The following DIAPH2 variants were observed in gnomAD, a reference collection of about 807,000 sequenced individuals.
DIAPH2 encodes diaphanous related formin 2.
In DIAPH2, 35 loss-of-function variants were observed where a neutral mutation model predicts 92.7. That is an observed-to-expected ratio of 0.38 (90% CI 0.29 to 0.50). DIAPH2 has a LOEUF of 0.50. Among genes scored for constraint, DIAPH2 ranks in the 20% least tolerant of loss-of-function variants. The probability of loss-of-function intolerance (pLI) is 0.94; values close to 1 mark genes in which losing one functional copy is unlikely to be tolerated. For synonymous variants in DIAPH2, 301 were observed against 280.4 expected, an observed-to-expected ratio of 1.07 and a Z score of -0.73; for missense variants, 701 against 819.5, an observed-to-expected ratio of 0.86 and a Z score of 1.77.
At chrX:97,180,815 A>C (rs2067533605) in intron 22 of DIAPH2, among the ~76,000 whole-genome samples, 2 of 110,981 alleles carry the variant, frequency 1.8e-5, no homozygotes, top group Non-Finnish European at 3.8e-5. Context: ...ATATCGTTGT[A>C]AATGTGTGTT....
intron 26 of DIAPH2, among the ~76,000 whole-genome samples, chrX:97,478,271 C>G (rs1161862725): frequency 8.9e-6 from 1 of 111,826 alleles, no homozygotes; most frequent in East Asian, 2.8e-4. Flanking sequence ...GCTTAGACAT[C>G]CATGGAGGTG....
At chrX:96,905,478 C>G (rs1157471075) in intron 5 of DIAPH2, among the ~76,000 whole-genome samples, 1 of 110,571 alleles carries the variant, frequency 9.0e-6, no homozygotes, top group Admixed American at 9.6e-5. Flanking sequence ...GAAAATTTTC[C>G]TCGTTTTGCT....
At chrX:97,138,138 T>C (rs1194069174) in intron 21 of DIAPH2, among the ~76,000 whole-genome samples, 2 of 112,039 alleles carry the variant, frequency 1.8e-5, no homozygotes, top group Non-Finnish European at 3.8e-5. Flanking sequence ...TAAAATGTTG[T>C]CTGAGGCTCT....
intron 24 of DIAPH2, among the ~76,000 whole-genome samples, chrX:97,352,652 G>A (rs1316532653): frequency 1.8e-5 from 2 of 108,519 alleles, no homozygotes; most frequent in African/African-American, 6.6e-5. Context: ...GGCAGATCAC[G>A]AGGTCAGGAG....
At chrX:96,815,331 GC>G (rs921665153) in intron 4 of DIAPH2, among the ~76,000 whole-genome samples, 5 of 112,006 alleles carry the variant, frequency 4.5e-5, no homozygotes, top group African/African-American at 1.6e-4. Flanking sequence ...GACCCACCGA[GC>G]CAGGCGCGGG....
chrX:96,883,191 A>G (rs1314910895), intron 5 of DIAPH2, among the ~76,000 whole-genome samples: 3 of 110,351 alleles, frequency 2.7e-5, no homozygotes, highest in Non-Finnish European at 3.8e-5. Flanking sequence ...ATTTATGTAT[A>G]AATTGAAATA....
chrX:97,430,996 C>T (rs1482805408), intron 26 of DIAPH2, among the ~76,000 whole-genome samples: 1 of 111,473 alleles, frequency 9.0e-6, no homozygotes, highest in Admixed American at 9.5e-5. Context: ...ATGAATGCAT[C>T]GTAGATGGCC....
At chrX:97,380,131 G>A (rs756487771) in intron 24 of DIAPH2, among the ~76,000 whole-genome samples, 6 of 110,288 alleles carry the variant, frequency 5.4e-5, no homozygotes, top group South Asian at 7.8e-4. Context: ...TGAATATTTC[G>A]TAGTAAATCC....
chrX:97,010,127 A>G, intron 17 of DIAPH2, among the ~76,000 whole-genome samples: 1 of 112,122 alleles, frequency 8.9e-6, no homozygotes, highest in Admixed American at 9.4e-5. Flanking sequence ...TTGCTGGCAT[A>G]TGCCCTACCT....
At chrX:96,748,286 G>A (rs970370752) in intron 3 of DIAPH2, among the ~76,000 whole-genome samples, 1 of 111,791 alleles carries the variant, frequency 8.9e-6, no homozygotes, top group African/African-American at 3.3e-5. Flanking sequence ...CTACATGTTG[G>A]AAGTGTAAAG....
intron 24 of DIAPH2, among the ~76,000 whole-genome samples, chrX:97,370,849 G>A (rs1382551046): frequency 1.1e-4 from 12 of 111,983 alleles, no homozygotes; most frequent in Non-Finnish European, 1.7e-4. Context: ...AATTCGGAAC[G>A]AGGAGTTTCA....
chrX:96,789,120 A>T (rs1266332767), intron 4 of DIAPH2, among the ~76,000 whole-genome samples: 2 of 112,038 alleles, frequency 1.8e-5, no homozygotes, highest in Admixed American at 9.5e-5. Flanking sequence ...ATACAGGCGG[A>T]GTTTGGAGGA....
chrX:97,139,797 G>T (rs954967036), intron 21 of DIAPH2, among the ~76,000 whole-genome samples: 5 of 110,780 alleles, frequency 4.5e-5, no homozygotes, highest in Non-Finnish European at 7.6e-5. Flanking sequence ...TTATAAGTAT[G>T]CATGCCAAAA....
At chrX:97,240,988 C>T (rs1160434680) in intron 22 of DIAPH2, among the ~76,000 whole-genome samples, 3 of 111,362 alleles carry the variant, frequency 2.7e-5, no homozygotes, top group African/African-American at 9.8e-5. Context: ...CTGTCTGATT[C>T]CTAAAACCAT....
chrX:97,399,959 T>A (rs2069739314), intron 25 of DIAPH2, among the ~76,000 whole-genome samples: 2 of 112,604 alleles, frequency 1.8e-5, no homozygotes, highest in Admixed American at 9.4e-5. Context: ...ACAGATGCTT[T>A]CAGCAGTATG....
intron 1 of DIAPH2, among the ~76,000 whole-genome samples, chrX:96,719,061 G>A (rs1461935868): frequency 8.9e-6 from 1 of 111,809 alleles, no homozygotes; most frequent in Non-Finnish European, 1.9e-5. Flanking sequence ...ATACCTGTTT[G>A]CCATTTGTAT....
intron 4 of DIAPH2, among the ~76,000 whole-genome samples, chrX:96,783,144 T>A (rs753137683): frequency 1.8e-5 from 2 of 111,522 alleles, no homozygotes; most frequent in East Asian, 5.6e-4. Context: ...GGTGTGGGGA[T>A]CTACTGTGGT....
chrX:97,432,739 G>A (rs1247797050), intron 26 of DIAPH2, among the ~76,000 whole-genome samples: 2 of 110,971 alleles, frequency 1.8e-5, no homozygotes, highest in African/African-American at 6.6e-5. Context: ...CGCCCACCTC[G>A]GCCTCCCAAA....
At chrX:97,196,370 T>G (rs1355033227) in intron 22 of DIAPH2, among the ~76,000 whole-genome samples, 1 of 112,398 alleles carries the variant, frequency 8.9e-6, no homozygotes, top group African/African-American at 3.2e-5. Context: ...TTATCTGCTC[T>G]GAAGCCAAGC....
Sources: allele counts gnomAD v4.1 joint callset (sites outside exome capture counted in the v4.1 genomes callset), GRCh38; gene constraint gnomAD v4.1.1; transcripts MANE v1.5; gene names NCBI Gene and HGNC (gene_info 2026-07-23, HGNC 2026-07-21).